Variants in SLC4A10 observed in about 807,000 individuals in gnomAD.
SLC4A10 encodes solute carrier family 4 member 10, also known as sodium-driven chloride bicarbonate exchanger.
A neutral mutation model predicts 137.7 loss-of-function variants in SLC4A10; 42 were observed. The observed-to-expected ratio is 0.30, with a 90% CI of 0.24 to 0.39. The LOEUF (loss-of-function observed/expected upper bound fraction) is 0.39. Ranked by LOEUF, SLC4A10 falls within the 10% of genes least tolerant of loss-of-function variation. SLC4A10 has a pLI of 1.00. For synonymous variants in SLC4A10, 474 were observed against 464.1 expected (o/e 1.02, Z -0.27); for missense variants, 925 against 1,355.0 (o/e 0.68, Z 4.98).
At chr2:161,947,489 CAGA>C in intron 16 of SLC4A10, 74 bp from the exon 17 acceptor site, 1 of 1,433,652 alleles carries the variant, frequency 7.0e-7, no homozygotes, top group African/African-American at 1.4e-5. Context: ...TACAATTGAT[CAGA>C]AGGTGTTAGT....
intron 1 of SLC4A10, among the ~76,000 whole-genome samples, chr2:161,679,661 T>A (rs1490461021): frequency 1.3e-5 from 2 of 149,310 alleles, no homozygotes; most frequent in East Asian, 2.0e-4. Flanking sequence ...CTTTTATTTT[T>A]TTTTTAACCT....
At chr2:161,632,426 C>A (rs1478184213) in intron 1 of SLC4A10, among the ~76,000 whole-genome samples, 3 of 151,558 alleles carry the variant, frequency 2.0e-5, no homozygotes, top group Admixed American at 6.6e-5. Flanking sequence ...AAAAAACCCA[C>A]CACATACACA....
At chr2:161,881,532 A>C (rs901248451) in intron 9 of SLC4A10, among the ~76,000 whole-genome samples, 2 of 152,076 alleles carry the variant, frequency 1.3e-5, no homozygotes, top group African/African-American at 4.8e-5. Context: ...ATTTTAGTAC[A>C]CCTTGTGAAG....
At chr2:161,724,880 G>A (rs1485257137) in intron 1 of SLC4A10, among the ~76,000 whole-genome samples, 3 of 152,068 alleles carry the variant, frequency 2.0e-5, no homozygotes, top group Non-Finnish European at 4.4e-5. Context: ...CTGGATTCCA[G>A]GATTTACCTT....
At chr2:161,979,504 T>C (rs1234044602) in intron 26 of SLC4A10, among the ~76,000 whole-genome samples, 2 of 152,224 alleles carry the variant, frequency 1.3e-5, no homozygotes, top group African/African-American at 4.8e-5. Flanking sequence ...TTTGATGTGA[T>C]CGCATTTGTG....
intron 1 of SLC4A10, among the ~76,000 whole-genome samples, chr2:161,725,628 A>G (rs1420331577): frequency 6.6e-6 from 1 of 152,216 alleles, no homozygotes; most frequent in Non-Finnish European, 1.5e-5. Flanking sequence ...TACAGTAAAA[A>G]TACTAGATTT....
chr2:161,638,159 T>G (rs538363994), intron 1 of SLC4A10, among the ~76,000 whole-genome samples: 91 of 152,300 alleles, frequency 6.0e-4, no homozygotes, highest in African/African-American at 1.8e-3. Context: ...CTGTTTTTGC[T>G]TTTGTTGCCT....
intron 1 of SLC4A10, among the ~76,000 whole-genome samples, chr2:161,656,572 A>T (rs1161991534): frequency 1.3e-5 from 2 of 152,190 alleles, no homozygotes; most frequent in African/African-American, 4.8e-5. Flanking sequence ...ATATGGCTCA[A>T]CTTTGAAACT....
chr2:161,743,625 T>C (rs182128498), intron 1 of SLC4A10, among the ~76,000 whole-genome samples: 1 of 152,282 alleles, frequency 6.6e-6, no homozygotes, highest in Admixed American at 6.5e-5. Flanking sequence ...TCTTGGTCTT[T>C]TATGGTTCCA....
At chr2:161,678,118 AT>A (rs1242997583) in intron 1 of SLC4A10, among the ~76,000 whole-genome samples, 1 of 152,096 alleles carries the variant, frequency 6.6e-6, no homozygotes, top group Non-Finnish European at 1.5e-5. Context: ...GTCTTTCCTC[AT>A]AACCTGACTT....
intron 1 of SLC4A10, among the ~76,000 whole-genome samples, chr2:161,653,447 C>T (rs1418926414): frequency 1.3e-5 from 2 of 152,180 alleles, no homozygotes; most frequent in Admixed American, 1.3e-4. Context: ...AATGGTTGAA[C>T]TAATTTACAC....
At chr2:161,758,281 AAATT>A in intron 1 of SLC4A10, among the ~76,000 whole-genome samples, 1 of 151,924 alleles carries the variant, frequency 6.6e-6, no homozygotes, top group Non-Finnish European at 1.5e-5. Context: ...TTTGCTTTTT[AAATT>A]AATTATGTAA....
At chr2:161,812,073 T>C (rs2056604754) in intron 3 of SLC4A10, among the ~76,000 whole-genome samples, 1 of 152,118 alleles carries the variant, frequency 6.6e-6, no homozygotes, top group Admixed American at 6.6e-5. Context: ...CTGGCTTCAG[T>C]AACTATTGCA....
rs2061868682 is a variant in SLC4A10, at chr2:161,882,420, A to G, written c.1170A>G (p.Ser390=). The change falls in exon 10 of 27, where the codon TCA becomes TCG. Residue 390 remains serine (S), a synonymous_variant. Transcript: ENST00000446997. ...AACAGTACCATGAGATTGGCAGATC[A>G]ATTGCAACCCTAATGACAGATGAGG... ...KGQQYHEIGR[S]IATLMTDEVF... The G allele has an allele frequency of 6.9e-6, 11 of 1,600,804 alleles. No individual in the cohort carries two copies. The highest frequency in any genetic ancestry group is 9.4e-6 in the Non-Finnish European group (11 of 1,173,038).
intron 1 of SLC4A10, among the ~76,000 whole-genome samples, chr2:161,673,900 G>T (rs147433811): frequency 2.5e-4 from 38 of 152,304 alleles, no homozygotes; most frequent in South Asian, 4.1e-4. Flanking sequence ...TGAGGCAGGA[G>T]AATCGCTTGA....
intron 1 of SLC4A10, among the ~76,000 whole-genome samples, chr2:161,720,709 T>A (rs2045557141): frequency 6.6e-6 from 1 of 152,198 alleles, no homozygotes; most frequent in Admixed American, 6.5e-5. Flanking sequence ...ACTCCTGCTT[T>A]TTTCTGCTTT....
In SLC4A10 at chr2:161,947,859, G is replaced by A. The variant is rs1694105298; in HGVS notation, c.2265+132G>A. The stretch of plus-strand genomic sequence containing the variant: ...CCAGGTTAGTTGTGGAGTGAGATGA[G>A]GGGCTGAAGAGAAAGAATTTGTGAT... On this transcript the variant is annotated intron_variant, in intron 17 of 26. Transcript: ENST00000446997. 5 of 993,958 alleles carry A rather than the reference G, an allele frequency of 5.0e-6. No homozygotes were observed. In the South Asian group the frequency reaches 6.5e-5, roughly 13 times the overall value. 61.6% of individuals were successfully genotyped at this position (993,958 alleles called of 1,614,324 possible).
At chr2:161,749,640 T>A (rs142768009) in intron 1 of SLC4A10, among the ~76,000 whole-genome samples, 616 of 152,100 alleles carry the variant, frequency 4.0e-3, no homozygotes, top group Middle Eastern at 0.01. Context: ...ATCTTTTTGA[T>A]GTGTCACTGA....
intron 1 of SLC4A10, among the ~76,000 whole-genome samples, chr2:161,696,422 A>G (rs1173442230): frequency 6.8e-6 from 1 of 146,012 alleles, no homozygotes; most frequent in African/African-American, 2.5e-5. Context: ...GTCATTTAGC[A>G]TTAGGTATAT....
Sources: gnomAD v4.1 joint callset for allele counts (sites outside exome capture counted in the v4.1 genomes callset) on GRCh38, gnomAD v4.1.1 for gene constraint, MANE v1.5 for transcripts, NCBI Gene and HGNC (gene_info 2026-07-23, HGNC 2026-07-21) for gene names.